CDKAL1: variants seen among roughly 807,000 people sequenced by gnomAD.
CDKAL1 encodes the protein CDKAL1 threonylcarbamoyladenosine tRNA methylthiotransferase.
Under a neutral mutation model 68.2 loss-of-function variants are expected in CDKAL1, and 32 were observed. The ratio of observed to expected loss-of-function variants is 0.47; its 90% CI spans 0.35 to 0.63. The LOEUF is 0.63. Ranked by LOEUF, CDKAL1 falls within the 30% of genes least tolerant of loss-of-function variation. CDKAL1 has a pLI of 0.00. For synonymous variants in CDKAL1, 234 were observed against 244.3 expected (o/e 0.96, Z 0.39); for missense variants, 606 against 696.7 (o/e 0.87, Z 1.47).
At chr6:21,000,506 T>C in intron 11 of CDKAL1, 134 bp downstream of exon 11, 1 of 708,574 alleles carries the variant, frequency 1.4e-6, no homozygotes, top group South Asian at 2.1e-5. Flanking sequence ...TTCAAAGCCT[T>C]TAAGTCTCCT....
chr6:20,753,031 C>T (rs1185631114), intron 6 of CDKAL1, among the ~76,000 whole-genome samples: 1 of 152,148 alleles, frequency 6.6e-6, no homozygotes, highest in East Asian at 1.9e-4. Flanking sequence ...AATTCACACA[C>T]TATGCAATTC....
At chr6:20,740,502 G>A (rs1773406905) in intron 6 of CDKAL1, among the ~76,000 whole-genome samples, 1 of 152,054 alleles carries the variant, frequency 6.6e-6, no homozygotes, top group African/African-American at 2.4e-5. Flanking sequence ...ACATTCTACT[G>A]AAGCTGTAGG....
chr6:21,079,832 A>G (rs547723975), intron 12 of CDKAL1, among the ~76,000 whole-genome samples: 1 of 152,034 alleles, frequency 6.6e-6, no homozygotes, highest in Non-Finnish European at 1.5e-5. Context: ...TCTGCTCCCT[A>G]TCTTTTCCCC....
intron 5 of CDKAL1, among the ~76,000 whole-genome samples, chr6:20,662,141 A>G (rs1336400577): frequency 6.6e-6 from 1 of 152,190 alleles, no homozygotes; most frequent in African/African-American, 2.4e-5. Flanking sequence ...AGTGACAAAC[A>G]TAATCTTTCA....
At chr6:20,873,914 C>A (rs887364933) in intron 9 of CDKAL1, among the ~76,000 whole-genome samples, 1 of 152,022 alleles carries the variant, frequency 6.6e-6, no homozygotes, top group Non-Finnish European at 1.5e-5. Context: ...GTGAAAGAAT[C>A]GAAGTAGCTA....
chr6:20,559,002 G>C (rs1456026022), intron 4 of CDKAL1: 1 of 153,302 alleles, frequency 6.5e-6, no homozygotes, highest in Non-Finnish European at 1.5e-5. Flanking sequence ...TGATTTTTCT[G>C]ATCTCTACAT....
intron 7 of CDKAL1, among the ~76,000 whole-genome samples, chr6:20,761,449 G>A (rs1459192887): frequency 2.0e-5 from 3 of 152,140 alleles, no homozygotes; most frequent in Non-Finnish European, 2.9e-5. Context: ...GAAAACTTAC[G>A]TCTATACAAA....
chr6:20,741,278 T>C (rs2150326613), intron 6 of CDKAL1, among the ~76,000 whole-genome samples: 1 of 152,156 alleles, frequency 6.6e-6, no homozygotes, highest in Non-Finnish European at 1.5e-5. Context: ...TTTTTTTTTC[T>C]ATTTAATCCC....
chr6:20,756,370 A>C (rs753048877), intron 6 of CDKAL1, among the ~76,000 whole-genome samples: 2 of 152,216 alleles, frequency 1.3e-5, no homozygotes, highest in Admixed American at 6.5e-5. Flanking sequence ...ATTACTACTG[A>C]ACTCACTGCT....
intron 11 of CDKAL1, among the ~76,000 whole-genome samples, chr6:21,004,781 C>T (rs887570761): frequency 1.3e-5 from 2 of 151,522 alleles, no homozygotes; most frequent in South Asian, 2.1e-4. Context: ...CCTGTGAGAC[C>T]GTATCTCTAC....
intron 8 of CDKAL1, among the ~76,000 whole-genome samples, chr6:20,797,136 G>A (rs950254752): frequency 6.6e-6 from 1 of 152,134 alleles, no homozygotes; most frequent in African/African-American, 2.4e-5. Context: ...ACACAGCATA[G>A]GACTTGTATC....
intron 9 of CDKAL1, among the ~76,000 whole-genome samples, chr6:20,883,564 CTAAA>C (rs1760926369): frequency 6.6e-6 from 1 of 152,136 alleles, no homozygotes; most frequent in African/African-American, 2.4e-5. Flanking sequence ...TAATTTAAAA[CTAAA>C]TAGCCGCATG....
chr6:20,565,425 G>A (rs949399905), intron 4 of CDKAL1, among the ~76,000 whole-genome samples: 7 of 151,726 alleles, frequency 4.6e-5, no homozygotes, highest in Non-Finnish European at 8.8e-5. Context: ...ATTTTTTTCC[G>A]TTAAAAACCC....
chr6:20,985,481 GATGGGGTTTCACT>G (rs1242739578), intron 10 of CDKAL1, among the ~76,000 whole-genome samples: 3 of 152,118 alleles, frequency 2.0e-5, no homozygotes, highest in African/African-American at 7.2e-5. Flanking sequence ...TTTTAGTAGA[GATGGGGTTTCACT>G]ATGTTGGCCA....
At chr6:20,852,625 A>G (rs140805256) in intron 9 of CDKAL1, among the ~76,000 whole-genome samples, 1 of 152,330 alleles carries the variant, frequency 6.6e-6, no homozygotes, top group African/African-American at 2.4e-5. Flanking sequence ...ATAAGCTAAG[A>G]TTAATCGCTG....
intron 9 of CDKAL1, among the ~76,000 whole-genome samples, chr6:20,887,104 C>T (rs974272264): frequency 6.6e-6 from 1 of 152,158 alleles, no homozygotes; most frequent in African/African-American, 2.4e-5. Context: ...AAGGGAAATG[C>T]AAATGTGAAT....
At chr6:20,635,307 A>G (rs1050955232) in intron 4 of CDKAL1, among the ~76,000 whole-genome samples, 1 of 152,098 alleles carries the variant, frequency 6.6e-6, no homozygotes, top group African/African-American at 2.4e-5. Flanking sequence ...AGGAAGTGGC[A>G]GTTTCATTCC....
At chr6:21,132,374 A>T (rs1397777327) in intron 13 of CDKAL1, among the ~76,000 whole-genome samples, 2 of 152,194 alleles carry the variant, frequency 1.3e-5, no homozygotes, top group Non-Finnish European at 2.9e-5. Flanking sequence ...GAGGAAAAAA[A>T]TAGTAACAAT....
intron 2 of CDKAL1, among the ~76,000 whole-genome samples, chr6:20,540,209 G>C (rs979092286): frequency 6.6e-6 from 1 of 151,304 alleles, no homozygotes; most frequent in African/African-American, 2.4e-5. Context: ...AAGTAGCTGG[G>C]GTTACAGGCG....
Sources: gnomAD v4.1 joint callset for allele counts (sites outside exome capture counted in the v4.1 genomes callset) on GRCh38, gnomAD v4.1.1 for gene constraint, MANE v1.5 for transcripts, NCBI Gene and HGNC (gene_info 2026-07-23, HGNC 2026-07-21) for gene names.